MGMT: variants seen among roughly 807,000 people sequenced by gnomAD.
MGMT encodes methylated-DNA--protein-cysteine methyltransferase.
Under a neutral mutation model 15.9 loss-of-function variants are expected in MGMT, and 14 were observed. That is an observed-to-expected ratio of 0.88 (90% confidence interval 0.58 to 1.37). The LOEUF is 1.37. MGMT is among the 40% of genes most tolerant of loss of function. The pLI is 0.00. For missense variants in MGMT, 282 were observed against 268.1 expected (o/e 1.05, Z -0.36); for synonymous variants, 130 against 118.2 (o/e 1.10, Z -0.65).
In MGMT at chr10:129,695,782, C is replaced by G. The variant is rs58310172; in HGVS notation, c.126-12113C>G. On this transcript the variant is annotated intron_variant, in intron 2 of 4. Transcript: ENST00000651593. ...CTGCCTGCCTGGGAGATGGAACAGTCGTGCAGGCGAGGAGCTCAGAGGGCG... is the reference window on the plus strand; with the variant it reads ...CTGCCTGCCTGGGAGATGGAACAGTGGTGCAGGCGAGGAGCTCAGAGGGCG... Among the ~76,000 whole-genome samples the G allele has an allele frequency of 1.6e-4, 24 of 152,310 alleles. No individual in the cohort carries two copies. The East Asian group carries it at 4.4e-3, about 28-fold the overall frequency.
intron 2 of MGMT, among the ~76,000 whole-genome samples, chr10:129,574,909 A>T (rs1846462218): frequency 6.6e-6 from 1 of 152,310 alleles, no homozygotes; most frequent in Admixed American, 6.5e-5. Context: ...GCAGATAATT[A>T]ATCTATTAAG....
intron 2 of MGMT, among the ~76,000 whole-genome samples, chr10:129,698,402 A>G (rs1848057360): frequency 6.6e-6 from 1 of 152,242 alleles, no homozygotes; most frequent in Non-Finnish European, 1.5e-5. Context: ...ACAGTTGCCT[A>G]GCCTCAAAGA....
At chr10:129,606,335 G>A (rs1482152734) in intron 2 of MGMT, among the ~76,000 whole-genome samples, 1 of 152,168 alleles carries the variant, frequency 6.6e-6, no homozygotes, top group Non-Finnish European at 1.5e-5. Flanking sequence ...CGTTAACACC[G>A]TGTACTGAAG....
chr10:129,519,833 G>A (rs530831348), intron 1 of MGMT, among the ~76,000 whole-genome samples: 3 of 152,210 alleles, frequency 2.0e-5, no homozygotes, highest in Admixed American at 6.5e-5. Context: ...GTGTTGACTT[G>A]TGGCTCCTGG....
intron 1 of MGMT, among the ~76,000 whole-genome samples, chr10:129,471,393 G>A (rs1845229538): frequency 6.6e-6 from 1 of 152,104 alleles, no homozygotes; most frequent in Non-Finnish European, 1.5e-5. Flanking sequence ...ATAAATAATC[G>A]CTAGTTATTT....
intron 3 of MGMT, among the ~76,000 whole-genome samples, chr10:129,755,337 G>A (rs1848792722): frequency 6.6e-6 from 1 of 152,246 alleles, no homozygotes; most frequent in African/African-American, 2.4e-5. Flanking sequence ...TTCCAGGCCA[G>A]TGGCTGCTGC....
chr10:129,504,408 CTG>C (rs751395750), intron 1 of MGMT, among the ~76,000 whole-genome samples: 27 of 152,292 alleles, frequency 1.8e-4, no homozygotes, highest in Non-Finnish European at 2.4e-4. Flanking sequence ...TAGAGAAAAA[CTG>C]TGCAGAAAAT....
intron 2 of MGMT, among the ~76,000 whole-genome samples, chr10:129,558,042 TTTAC>T (rs761505046): frequency 4.6e-5 from 7 of 152,132 alleles, no homozygotes; most frequent in Non-Finnish European, 1.0e-4. Context: ...GGTTTCCCGG[TTTAC>T]CTTGGCCCCC....
chr10:129,483,179 C>T (rs922273814), intron 1 of MGMT, among the ~76,000 whole-genome samples: 1 of 152,168 alleles, frequency 6.6e-6, no homozygotes, highest in African/African-American at 2.4e-5. Context: ...GAATAAGCAC[C>T]TTAACAAAAG....
chr10:129,653,412 T>C (rs1008192086), intron 2 of MGMT, among the ~76,000 whole-genome samples: 1 of 152,244 alleles, frequency 6.6e-6, no homozygotes, highest in African/African-American at 2.4e-5. Context: ...TTCACACCCA[T>C]CCTGAAACCA....
intron 2 of MGMT, among the ~76,000 whole-genome samples, chr10:129,591,182 C>G (rs1293159519): frequency 6.6e-6 from 1 of 152,160 alleles, no homozygotes; most frequent in Non-Finnish European, 1.5e-5. Flanking sequence ...CTGGGACGGG[C>G]ATGATGAGTG....
chr10:129,738,321 G>GTGCC (rs1229838009), intron 3 of MGMT, among the ~76,000 whole-genome samples: 1 of 152,204 alleles, frequency 6.6e-6, no homozygotes, highest in Non-Finnish European at 1.5e-5. Context: ...GATTTTCCAG[G>GTGCC]TGCCGTCTGT....
At chr10:129,518,399 T>A (rs1413559308) in intron 1 of MGMT, among the ~76,000 whole-genome samples, 1 of 146,146 alleles carries the variant, frequency 6.8e-6, no homozygotes, top group Non-Finnish European at 1.5e-5. Flanking sequence ...AAGACAGGTC[T>A]GAACTGTGTG....
At chr10:129,641,958 A>G (rs1045512121) in intron 2 of MGMT, among the ~76,000 whole-genome samples, 1 of 152,214 alleles carries the variant, frequency 6.6e-6, no homozygotes, top group Admixed American at 6.5e-5. Flanking sequence ...TCTGGGGTTA[A>G]TAGAGTTTAA....
chr10:129,467,755 T>G (rs901572293), intron 1 of MGMT, among the ~76,000 whole-genome samples: 3 of 152,246 alleles, frequency 2.0e-5, no homozygotes, highest in Non-Finnish European at 4.4e-5. Flanking sequence ...TCTAGGGGCC[T>G]TCTGGTTACT....
At position 129,508,524 on chromosome 10, in the gene MGMT, T is replaced by C. The variant is rs574312312; in HGVS notation, c.-12-27717T>C. The stretch of plus-strand genomic sequence containing the variant: ...AGATTTAATTTTTCTTTCTTTCTTT[T>C]TTTTTTTTTTGTTTTTTGTTTGTTT... On this transcript the variant is annotated intron_variant, in intron 1 of 4. Transcript: ENST00000651593. 6.1e-4 allele frequency among the ~76,000 whole-genome samples: 92 copies of C among 151,370 alleles called. No individual in the cohort carries two copies. In the South Asian group the frequency reaches 0.017, roughly 28 times the overall value.
At chr10:129,671,932 A>C (rs943883274) in intron 2 of MGMT, among the ~76,000 whole-genome samples, 1 of 152,254 alleles carries the variant, frequency 6.6e-6, no homozygotes, top group Non-Finnish European at 1.5e-5. Context: ...CTGGCTATAC[A>C]GAATTTACAA....
chr10:129,493,080 G>A lies in MGMT; in HGVS notation c.-13+25784G>A, dbSNP rs115225939. On this transcript the variant is annotated intron_variant, in intron 1 of 4. Transcript: ENST00000651593. The stretch of plus-strand genomic sequence containing the variant: ...TGTGATTTCTTGTAACTCTTACGAT[G>A]ACACGGGACCTTGTTTGATGACTTG... Among the ~76,000 whole-genome samples, 808 of 152,266 alleles carry A rather than the reference G, an allele frequency of 5.3e-3. 7 individuals are homozygous for A. The highest frequency in any genetic ancestry group is 0.018 in the African/African-American group (758 of 41,570).
intron 2 of MGMT, among the ~76,000 whole-genome samples, chr10:129,607,999 G>A (rs952230033): frequency 1.3e-5 from 2 of 152,072 alleles, no homozygotes; most frequent in African/African-American, 4.8e-5. Context: ...TTTCAGCTGG[G>A]AAAATGGAAT....
Sources: gnomAD v4.1 joint callset for allele counts (sites outside exome capture counted in the v4.1 genomes callset) on GRCh38, gnomAD v4.1.1 for gene constraint, MANE v1.5 for transcripts, NCBI Gene and HGNC (gene_info 2026-07-23, HGNC 2026-07-21) for gene names.